Variants in MACROD2 observed in about 807,000 individuals in gnomAD.
The protein encoded by MACROD2 is ADP-ribose glycohydrolase MACROD2.
A neutral mutation model predicts 70.4 loss-of-function variants in MACROD2; 36 were observed. That is an observed-to-expected ratio of 0.51 (90% confidence interval 0.39 to 0.68). The LOEUF (loss-of-function observed/expected upper bound fraction) is 0.68, where lower values mean the gene tolerates loss of function less well. Among genes scored for constraint, MACROD2 ranks in the 30% least tolerant of loss-of-function variants. The probability of loss-of-function intolerance (pLI) is 0.00; values close to 1 mark genes in which losing one functional copy is unlikely to be tolerated. For missense variants in MACROD2, 496 were observed against 538.4 expected (o/e 0.92, Z 0.78); for synonymous variants, 172 against 178.8 (o/e 0.96, Z 0.30).
intron 8 of MACROD2, among the ~76,000 whole-genome samples, chr20:15,588,020 C>T (rs2048626234): frequency 6.6e-6 from 1 of 152,226 alleles, no homozygotes; most frequent in South Asian, 2.1e-4. Context: ...CCACATTGCA[C>T]TAGCAGAGGT....
intron 3 of MACROD2, among the ~76,000 whole-genome samples, chr20:14,335,636 G>A (rs188676090): frequency 1.3e-5 from 2 of 152,212 alleles, no homozygotes; most frequent in Admixed American, 1.3e-4. Context: ...ATTTTAAAGG[G>A]TGGGGTGCAG....
In MACROD2 at chr20:15,229,980, T is replaced by G. The variant is rs769252007; in HGVS notation, c.459T>G (p.Ile153Met). ...HTVGPIARGH[I>M]NGSHKEDLAN... is the part of the protein sequence containing the mutation. ...TAGGGCCAATAGCCAGGGGCCATAT[T>G]AATGGTTCCCACAAGGAAGACCTTG... Residue 153 changes from isoleucine (I) to methionine (M), a missense_variant, in exon 6 of 18, where the codon ATT becomes ATG. Transcript: ENST00000684519. The G allele has an allele frequency of 1.2e-5, 19 of 1,613,772 alleles. No individual in the cohort carries two copies. Among genetic ancestry groups the G allele is most frequent in the Non-Finnish European group, 1.1e-5 (13 of 1,179,832 alleles).
At chr20:14,462,332 C>A (rs1409616302) in intron 3 of MACROD2, among the ~76,000 whole-genome samples, 1 of 152,030 alleles carries the variant, frequency 6.6e-6, no homozygotes, top group East Asian at 1.9e-4. Context: ...TAAATGTCTT[C>A]TTTTGAGAAT....
intron 3 of MACROD2, among the ~76,000 whole-genome samples, chr20:14,207,579 A>G (rs573190162): frequency 1.3e-5 from 2 of 152,324 alleles, no homozygotes; most frequent in South Asian, 4.1e-4. Flanking sequence ...TTATATGAGA[A>G]TTCTGTGAGG....
intron 5 of MACROD2, among the ~76,000 whole-genome samples, chr20:14,879,242 T>G (rs1160153047): frequency 6.6e-6 from 1 of 152,196 alleles, no homozygotes; most frequent in Non-Finnish European, 1.5e-5. Context: ...TTCTGATTCA[T>G]GTTTACATGG....
chr20:14,973,249 T>TG (rs1491162172), intron 5 of MACROD2, among the ~76,000 whole-genome samples: 11 of 137,684 alleles, frequency 8.0e-5, no homozygotes, highest in African/African-American at 2.9e-4. Flanking sequence ...TTTTTTTTTT[T>TG]GAGGTAGAGT....
chr20:14,934,108 C>T (rs188872995), intron 5 of MACROD2, among the ~76,000 whole-genome samples: 1 of 152,322 alleles, frequency 6.6e-6, no homozygotes, highest in Non-Finnish European at 1.5e-5. Flanking sequence ...CCCCCATGCA[C>T]TGGTGCCTCT....
At chr20:15,776,877 A>G (rs988062682) in intron 8 of MACROD2, among the ~76,000 whole-genome samples, 5 of 152,196 alleles carry the variant, frequency 3.3e-5, no homozygotes, top group Non-Finnish European at 4.4e-5. Context: ...TTTAAGTGCC[A>G]TAGAAGATTT....
At chr20:14,440,845 A>G (rs1192727830) in intron 3 of MACROD2, among the ~76,000 whole-genome samples, 1 of 152,122 alleles carries the variant, frequency 6.6e-6, no homozygotes, top group Admixed American at 6.5e-5. Flanking sequence ...TTCATGGAGA[A>G]GATTGCCTCT....
intron 5 of MACROD2, among the ~76,000 whole-genome samples, chr20:14,769,831 C>T (rs990814990): frequency 6.6e-6 from 1 of 151,944 alleles, no homozygotes; most frequent in East Asian, 1.9e-4. Context: ...TATAATTGAG[C>T]TCAACCATAT....
intron 5 of MACROD2, among the ~76,000 whole-genome samples, chr20:14,964,552 G>A (rs112503945): frequency 4.0e-5 from 6 of 151,194 alleles, no homozygotes; most frequent in Non-Finnish European, 5.9e-5. Context: ...CAGCCTGGGC[G>A]ACAGAGCAAG....
At chr20:15,653,123 A>C (rs1034166214) in intron 8 of MACROD2, among the ~76,000 whole-genome samples, 1 of 152,164 alleles carries the variant, frequency 6.6e-6, no homozygotes, top group African/African-American at 2.4e-5. Context: ...CAAATCCTAA[A>C]CTTTTGGACT....
chr20:15,085,911 CAG>C (rs1491281149), intron 5 of MACROD2, among the ~76,000 whole-genome samples: 2 of 144,086 alleles, frequency 1.4e-5, no homozygotes, highest in African/African-American at 2.6e-5. Flanking sequence ...CACACACACA[CAG>C]ATTTTTTCTT....
At chr20:14,941,714 G>T (rs6043014) in intron 5 of MACROD2, among the ~76,000 whole-genome samples, 2 of 151,872 alleles carry the variant, frequency 1.3e-5, no homozygotes, top group Non-Finnish European at 2.9e-5. Context: ...TTTCTAAGCC[G>T]CATTTTAGAA....
intron 3 of MACROD2, among the ~76,000 whole-genome samples, chr20:14,247,280 G>C (rs1049025302): frequency 1.3e-5 from 2 of 152,166 alleles, no homozygotes; most frequent in African/African-American, 2.4e-5. Context: ...CCAGTGCGAG[G>C]CTCCTTCCAC....
chr20:15,609,568 T>C, intron 8 of MACROD2, among the ~76,000 whole-genome samples: 1 of 151,896 alleles, frequency 6.6e-6, no homozygotes, highest in South Asian at 2.1e-4. Flanking sequence ...CCCATGAACA[T>C]TTGTAAAATC....
intron 15 of MACROD2, among the ~76,000 whole-genome samples, chr20:16,000,727 A>G (rs576442733): frequency 2.0e-5 from 3 of 152,356 alleles, no homozygotes; most frequent in Non-Finnish European, 4.4e-5. Flanking sequence ...CTGTGAACTA[A>G]AGATCCTAAT....
chr20:15,133,313 T>C (rs1175383218), intron 5 of MACROD2, among the ~76,000 whole-genome samples: 1 of 152,128 alleles, frequency 6.6e-6, no homozygotes, highest in Non-Finnish European at 1.5e-5. Flanking sequence ...CATTAATTTT[T>C]CTTAATTTTT....
chr20:15,923,866 G>T (rs751851696), intron 10 of MACROD2, among the ~76,000 whole-genome samples: 1 of 152,286 alleles, frequency 6.6e-6, no homozygotes, highest in East Asian at 1.9e-4. Context: ...ATTTATTCTG[G>T]TACAATGTCA....
Sources: gnomAD v4.1 joint callset for allele counts (sites outside exome capture counted in the v4.1 genomes callset) on GRCh38, gnomAD v4.1.1 for gene constraint, MANE v1.5 for transcripts, NCBI Gene and HGNC (gene_info 2026-07-23, HGNC 2026-07-21) for gene names.